The following KDM3B variants were observed in gnomAD, a reference collection of about 807,000 sequenced individuals.
The protein encoded by KDM3B is lysine-specific demethylase 3B.
A neutral mutation model predicts 170.0 loss-of-function variants in KDM3B; 10 were observed. The observed-to-expected ratio is 0.06, with a 90% CI of 0.04 to 0.10. The LOEUF (loss-of-function observed/expected upper bound fraction) is 0.10, where lower values mean the gene tolerates loss of function less well. KDM3B is among the 10% of genes least tolerant of loss of function. The pLI is 1.00. For missense variants in KDM3B, 1,394 were observed against 2,195.2 expected, an observed-to-expected ratio of 0.64 and a Z score of 7.29; for synonymous variants, 831 against 834.8, an observed-to-expected ratio of 1.00 and a Z score of 0.08.
intron 2 of KDM3B, among the ~76,000 whole-genome samples, chr5:138,374,699 GC>G (rs1761954199): frequency 6.6e-6 from 1 of 152,128 alleles, no homozygotes; most frequent in Non-Finnish European, 1.5e-5. Context: ...GCATATTTAT[GC>G]TGTTAATTAT....
At chr5:138,418,809 ATGT>A in intron 13 of KDM3B, 141 bp from the exon 14 acceptor site, 2 of 796,696 alleles carry the variant, frequency 2.5e-6, no homozygotes, top group East Asian at 4.9e-5. Flanking sequence ...CAATAAATAT[ATGT>A]TGAATTAAAT....
intron 11 of KDM3B, among the ~76,000 whole-genome samples, chr5:138,412,961 C>T (rs1763011813): frequency 6.6e-6 from 1 of 152,120 alleles, no homozygotes; most frequent in African/African-American, 2.4e-5. Context: ...AAGGTTTGAA[C>T]AGATACGTCA....
At chr5:138,408,203 C>T (rs1762872100) in intron 11 of KDM3B, among the ~76,000 whole-genome samples, 1 of 152,138 alleles carries the variant, frequency 6.6e-6, no homozygotes, top group African/African-American at 2.4e-5. Context: ...AACATCATAC[C>T]TGATTGAACC....
At chr5:138,407,056 G>A (rs1762842366) in intron 11 of KDM3B, among the ~76,000 whole-genome samples, 3 of 145,016 alleles carry the variant, frequency 2.1e-5, no homozygotes, top group South Asian at 4.3e-4. Flanking sequence ...CACGATCTCA[G>A]CCCACTGCAA....
Position 138,391,853 on chromosome 5 carries a change from C to G in KDM3B, c.2221C>G (p.Leu741Val), listed in dbSNP as rs143408154. Residue 741 changes from leucine (L) to valine (V), a missense_variant, in exon 8 of 24, where the codon CTC (leucine) becomes GTC (valine). Around this residue, in one of 19 missense-constraint regions of KDM3B, gnomAD observed 294 missense variants for 311.7 expected, o/e 0.94. Transcript: ENST00000314358. This position sits in a 1 kb window ranked among gnomAD's most constrained non-coding sequence, Gnocchi z 5.0. ...SLTQPIEMPT[L>V]SSSPTEERPT... ...CACTCAGCCCATTGAGATGCCAACT[C>G]TCTCCTCTAGCCCCACAGAGGAGAG... The G allele has an allele frequency of 1.9e-6, 3 of 1,614,184 alleles. No homozygotes were observed. Among genetic ancestry groups the G allele is most frequent in the Non-Finnish European group, 2.5e-6 (3 of 1,180,028 alleles).
intron 5 of KDM3B, among the ~76,000 whole-genome samples, chr5:138,380,050 C>T (rs1023638173): frequency 3.0e-4 from 45 of 152,160 alleles, no homozygotes; most frequent in African/African-American, 1.0e-3. Context: ...TGCAGTGGTG[C>T]GATCACAGCT....
intron 6 of KDM3B, among the ~76,000 whole-genome samples, chr5:138,384,740 CAAAA>C (rs58389517): frequency 3.5e-5 from 3 of 85,952 alleles, no homozygotes; most frequent in Non-Finnish European, 2.7e-5. Flanking sequence ...ACTCTTGTCT[CAAAA>C]AAAAAAAAAA....
In KDM3B at chr5:138,360,572, CTTTT is replaced by C. The variant is rs61340392; in HGVS notation, c.192+7601_192+7604del. ...TGTGTGAATTTTAATAGTTCTATTT[CTTTT>C]TTTTTTTTTTTTTTTGAGACGGAGT... On this transcript the variant is annotated intron_variant, in intron 1 of 23. Coordinates refer to ENST00000314358, the MANE Select transcript of KDM3B (RefSeq NM_016604.4). 1.2e-3 allele frequency among the ~76,000 whole-genome samples: 121 copies of C among 101,998 alleles called. 1 individual carries two copies. The East Asian group carries it at 0.019, about 16-fold the overall frequency. The allele number at this position is 101,998 out of a possible 152,430, so 66.9% of individuals were successfully genotyped here.
chr5:138,374,600 G>A (rs1370505039), intron 2 of KDM3B, among the ~76,000 whole-genome samples: 1 of 152,156 alleles, frequency 6.6e-6, no homozygotes, highest in Non-Finnish European at 1.5e-5. Context: ...ACTTTTAGGA[G>A]AAGCTCTTGT....
At chr5:138,417,140 A>G (rs545775598) in intron 12 of KDM3B, among the ~76,000 whole-genome samples, 26 of 152,302 alleles carry the variant, frequency 1.7e-4, no homozygotes, top group African/African-American at 6.0e-4. Context: ...ACTCTTGAAC[A>G]CTAGAGAATC....
intron 23 of KDM3B, 112 bp from the exon 24 acceptor site, chr5:138,435,508 C>T (rs184139327): frequency 2.3e-5 from 17 of 748,176 alleles, no homozygotes; most frequent in East Asian, 1.9e-4. Flanking sequence ...GATACAGGAA[C>T]GCACAGTCCT....
chr5:138,354,492 T>G (rs1761405106), intron 1 of KDM3B, among the ~76,000 whole-genome samples: 1 of 152,222 alleles, frequency 6.6e-6, no homozygotes, highest in Non-Finnish European at 1.5e-5. Flanking sequence ...TACTTTGCCC[T>G]AGCTATTCAT....
chr5:138,366,402 T>G (rs572023066), intron 1 of KDM3B, among the ~76,000 whole-genome samples: 33 of 152,152 alleles, frequency 2.2e-4, no homozygotes, highest in African/African-American at 7.2e-4. Flanking sequence ...GTGATCATAG[T>G]TCACTGTAGC....
chr5:138,400,551 G>T (rs1762657310), intron 11 of KDM3B, among the ~76,000 whole-genome samples: 1 of 152,102 alleles, frequency 6.6e-6, no homozygotes, highest in South Asian at 2.1e-4. Flanking sequence ...TTTGAGACCA[G>T]TCTGGGTAAC....
At chr5:138,375,237 A>G (rs767332085) in intron 3 of KDM3B, 31 bp downstream of exon 3, 1 of 1,439,874 alleles carries the variant, frequency 6.9e-7, no homozygotes, top group Non-Finnish European at 9.7e-7. Flanking sequence ...TCTTGAGCCT[A>G]TTATTTTTTT....
intron 9 of KDM3B, among the ~76,000 whole-genome samples, chr5:138,396,708 GT>G (rs985260233): frequency 6.6e-6 from 1 of 152,010 alleles, no homozygotes; most frequent in African/African-American, 2.4e-5. Flanking sequence ...TGTGGAGGTT[GT>G]TTTCTGGCTC....
At chr5:138,430,044 A>G (rs944032057) in intron 21 of KDM3B, 79 bp downstream of exon 21, 41 of 1,559,860 alleles carry the variant, frequency 2.6e-5, no homozygotes, top group Non-Finnish European at 3.6e-5. Context: ...AGGGTTTCTC[A>G]TGTAGAGTCC....
At chr5:138,359,322 C>T (rs895039199) in intron 1 of KDM3B, among the ~76,000 whole-genome samples, 10 of 151,812 alleles carry the variant, frequency 6.6e-5, no homozygotes, top group Non-Finnish European at 1.0e-4. Context: ...CCACCATGCC[C>T]GGCTAATGTT....
At chr5:138,390,560 T>A (rs1458431473) in intron 7 of KDM3B, among the ~76,000 whole-genome samples, 2 of 152,204 alleles carry the variant, frequency 1.3e-5, no homozygotes, top group Non-Finnish European at 2.9e-5. Flanking sequence ...AATTTTACAG[T>A]AGCCTAAATA....
Sources: allele counts gnomAD v4.1 joint callset (sites outside exome capture counted in the v4.1 genomes callset), GRCh38; gene constraint gnomAD v4.1.1; regional missense constraint gnomAD v4.1.1; non-coding constraint Gnocchi (gnomAD v3.1); transcripts MANE v1.5; gene names NCBI Gene and HGNC (gene_info 2026-07-23, HGNC 2026-07-21).